ADAMTS17: variants seen among roughly 807,000 people sequenced by gnomAD.
ADAMTS17 encodes the protein ADAM metallopeptidase with thrombospondin type 1 motif 17.
Under a neutral mutation model 141.5 loss-of-function variants are expected in ADAMTS17, and 113 were observed. The observed-to-expected ratio is 0.80, with a 90% confidence interval of 0.69 to 0.93. The LOEUF is 0.93. Among genes scored for constraint, ADAMTS17 ranks in the 40% least tolerant of loss-of-function variants. The pLI, the probability that ADAMTS17 is intolerant of heterozygous loss-of-function variation, is 0.00. For synonymous variants in ADAMTS17, 768 were observed against 630.6 expected, an observed-to-expected ratio of 1.22 and a Z score of -3.27; for missense variants, 1,659 against 1,517.9, an observed-to-expected ratio of 1.09 and a Z score of -1.54.
Position 100,287,384 on chromosome 15 carries a change from A to C in ADAMTS17, c.617-5983T>G, listed in dbSNP as rs547067635. ...ATAAAACCTCAAGAAATATGGAATT[A>C]TGTAAAGAGACCAAATCGATCAGCC... On this transcript the variant is annotated intron_variant, in intron 3 of 21. Transcript: ENST00000268070. Among the ~76,000 whole-genome samples the C allele has an allele frequency of 1.4e-3, 220 of 152,354 alleles. 1 individual carries two copies. Among genetic ancestry groups the C allele is most frequent in the African/African-American group, 5.1e-3 (213 of 41,584 alleles).
chr15:100,039,449 C>A (rs551405845), intron 18 of ADAMTS17, among the ~76,000 whole-genome samples: 1 of 152,156 alleles, frequency 6.6e-6, no homozygotes, highest in Non-Finnish European at 1.5e-5. Context: ...GCCTTCACCT[C>A]GATTCATCTC....
At chr15:100,292,330 G>A (rs935060816) in intron 3 of ADAMTS17, among the ~76,000 whole-genome samples, 7 of 151,884 alleles carry the variant, frequency 4.6e-5, no homozygotes, top group Non-Finnish European at 1.0e-4. Flanking sequence ...CACTCAGCCC[G>A]TGTGGAATTA....
chr15:100,165,388 C>T (rs2039908313), intron 8 of ADAMTS17, among the ~76,000 whole-genome samples: 1 of 152,184 alleles, frequency 6.6e-6, no homozygotes, highest in Non-Finnish European at 1.5e-5. Context: ...CACAGCGTGC[C>T]TCCCCCCAAT....
At chr15:100,290,484 C>T (rs945914958) in intron 3 of ADAMTS17, among the ~76,000 whole-genome samples, 1 of 152,162 alleles carries the variant, frequency 6.6e-6, no homozygotes, top group South Asian at 2.1e-4. Context: ...CAAAGACATT[C>T]TTCACAGGAT....
At chr15:100,209,546 T>G (rs960366651) in intron 7 of ADAMTS17, among the ~76,000 whole-genome samples, 3 of 151,716 alleles carry the variant, frequency 2.0e-5, no homozygotes, top group Admixed American at 2.0e-4. Flanking sequence ...GGGGAAGCCC[T>G]AGGACAATCT....
At chr15:100,283,174 G>C (rs138715528) in intron 3 of ADAMTS17, among the ~76,000 whole-genome samples, 1 of 152,236 alleles carries the variant, frequency 6.6e-6, no homozygotes, top group Non-Finnish European at 1.5e-5. Flanking sequence ...ACTGCAAAAT[G>C]AAGTCTTCTC....
chr15:100,077,034 T>C (rs2141779702), intron 15 of ADAMTS17, among the ~76,000 whole-genome samples: 1 of 152,124 alleles, frequency 6.6e-6, no homozygotes, highest in African/African-American at 2.4e-5. Context: ...CATATATGAA[T>C]ATGCACAGAA....
chr15:100,317,186 G>T (rs915771181), intron 3 of ADAMTS17, among the ~76,000 whole-genome samples: 1 of 152,106 alleles, frequency 6.6e-6, no homozygotes, highest in Non-Finnish European at 1.5e-5. Flanking sequence ...ATAAAAATGG[G>T]ATGGAGGGAC....
chr15:100,221,124 G>A (rs1168767467), intron 7 of ADAMTS17, among the ~76,000 whole-genome samples: 1 of 152,048 alleles, frequency 6.6e-6, no homozygotes, highest in Non-Finnish European at 1.5e-5. Context: ...CCACCAGTTT[G>A]ACGGGCAAAC....
chr15:100,210,863 C>A (rs928915904), intron 7 of ADAMTS17, among the ~76,000 whole-genome samples: 1 of 151,942 alleles, frequency 6.6e-6, no homozygotes, highest in East Asian at 1.9e-4. Flanking sequence ...GCACTTTGGG[C>A]AGCAGAGATG....
chr15:100,049,443 G>C (rs1039587938), intron 17 of ADAMTS17, among the ~76,000 whole-genome samples: 5 of 152,210 alleles, frequency 3.3e-5, no homozygotes, highest in African/African-American at 1.2e-4. Flanking sequence ...TGGGAGATGA[G>C]GAGTCTGGTC....
chr15:100,154,472 G>T (rs1296256400), intron 9 of ADAMTS17, among the ~76,000 whole-genome samples: 1 of 152,122 alleles, frequency 6.6e-6, no homozygotes, highest in Admixed American at 6.5e-5. Flanking sequence ...CCATCTGCAG[G>T]TGAGACTCGC....
intron 4 of ADAMTS17, among the ~76,000 whole-genome samples, chr15:100,270,389 A>C (rs5011256): frequency 6.6e-6 from 1 of 152,010 alleles, no homozygotes; most frequent in Non-Finnish European, 1.5e-5. Flanking sequence ...TGTAGGAAGT[A>C]TAAGTGTATT....
chr15:100,023,332 G>T (rs180849601), intron 18 of ADAMTS17, among the ~76,000 whole-genome samples: 1 of 151,796 alleles, frequency 6.6e-6, no homozygotes, highest in Non-Finnish European at 1.5e-5. Context: ...CTCCTGAGTC[G>T]TTGGGATTAC....
Position 100,281,340 on chromosome 15 carries a change from G to A in ADAMTS17, c.678C>T (p.Ile226=), listed in dbSNP as rs2044274526. The A allele has an allele frequency of 6.2e-7, 1 of 1,610,742 alleles. No individual in the cohort carries two copies. Among genetic ancestry groups the A allele is most frequent in the African/African-American group, 1.3e-5 (1 of 74,934 alleles). The change falls in exon 4 of 22, where the codon ATC becomes ATT. Residue 226 remains isoleucine, a synonymous_variant. Transcript: ENST00000268070. ...CCACCGTGTGCTCGCTGGTGAGCCG[G>A]ATAGCGTTCCTCCGCTCCCGCCAGT... ...SRDWRERRNA[I]RLTSEHTVET...
intron 7 of ADAMTS17, among the ~76,000 whole-genome samples, chr15:100,243,851 G>C (rs2042905644): frequency 1.7e-5 from 2 of 115,626 alleles, no homozygotes; most frequent in South Asian, 6.2e-4. Context: ...AATGAAAGTG[G>C]TCATCCTAAT....
intron 3 of ADAMTS17, among the ~76,000 whole-genome samples, chr15:100,294,618 G>A (rs2044747790): frequency 1.3e-5 from 2 of 151,874 alleles, no homozygotes; most frequent in South Asian, 4.2e-4. Context: ...TGAGGTCGGA[G>A]GATCACTTGA....
At chr15:100,027,916 G>A (rs923848391) in intron 18 of ADAMTS17, among the ~76,000 whole-genome samples, 11 of 152,148 alleles carry the variant, frequency 7.2e-5, no homozygotes, top group African/African-American at 2.7e-4. Flanking sequence ...CCCGTTCTGA[G>A]ACGAGTCCTA....
chr15:100,315,252 C>G (rs2045527067), intron 3 of ADAMTS17, among the ~76,000 whole-genome samples: 1 of 152,216 alleles, frequency 6.6e-6, no homozygotes, highest in South Asian at 2.1e-4. Flanking sequence ...AGGGGCACTG[C>G]TGCTTCCTGC....
Sources: allele counts gnomAD v4.1 joint callset (sites outside exome capture counted in the v4.1 genomes callset), GRCh38; gene constraint gnomAD v4.1.1; transcripts MANE v1.5; gene names NCBI Gene and HGNC (gene_info 2026-07-23, HGNC 2026-07-21).